RIPOR2: variants seen among roughly 807,000 people sequenced by gnomAD.
RIPOR2 encodes the protein rho family-interacting cell polarization regulator 2.
In RIPOR2, 39 loss-of-function variants were observed where a neutral mutation model predicts 114.5. That is an observed-to-expected ratio of 0.34 (90% CI 0.26 to 0.44). The LOEUF (loss-of-function observed/expected upper bound fraction) is 0.44, where lower values mean the gene tolerates loss of function less well. RIPOR2 is among the 20% of genes least tolerant of loss of function. The pLI, the probability that RIPOR2 is intolerant of heterozygous loss-of-function variation, is 1.00. For missense variants in RIPOR2, 1,007 were observed against 1,255.1 expected, an observed-to-expected ratio of 0.80 and a Z score of 2.99; for synonymous variants, 445 against 484.4, an observed-to-expected ratio of 0.92 and a Z score of 1.07.
chr6:24,902,472 C>T lies in RIPOR2; in HGVS notation c.62-26655G>A, dbSNP rs1156462998. Among the ~76,000 whole-genome samples, 9 of 152,314 alleles carry T rather than the reference C, an allele frequency of 5.9e-5. No individual in the cohort carries two copies. The East Asian group carries it at 1.7e-3, about 29-fold the overall frequency. ...CCTCAGGCGATCCACTCGCCTCAGC[C>T]TCCCAAAGTGTAGGGATTACACGCG... On this transcript the variant is annotated intron_variant, in intron 1 of 21. Transcript: ENST00000643898.
chr6:24,846,682 T>G (rs1299066502), intron 12 of RIPOR2, among the ~76,000 whole-genome samples: 1 of 152,110 alleles, frequency 6.6e-6, no homozygotes, highest in Non-Finnish European at 1.5e-5. Flanking sequence ...AATCCTTTCC[T>G]CTGTTGACAC....
intron 1 of RIPOR2, among the ~76,000 whole-genome samples, chr6:24,881,204 A>C (rs1562307432): frequency 6.6e-6 from 1 of 152,326 alleles, no homozygotes; most frequent in East Asian, 1.9e-4. Context: ...AGATCACGCC[A>C]TTGTACTCCA....
chr6:24,895,280 A>T (rs1035278901), intron 1 of RIPOR2, among the ~76,000 whole-genome samples: 5 of 151,990 alleles, frequency 3.3e-5, no homozygotes, highest in Non-Finnish European at 7.4e-5. Flanking sequence ...CGAACTCCTG[A>T]CCTCATGATC....
chr6:24,871,415 G>T (rs896400892), intron 4 of RIPOR2, among the ~76,000 whole-genome samples: 8 of 152,224 alleles, frequency 5.3e-5, no homozygotes, highest in African/African-American at 1.9e-4. Flanking sequence ...GCAGTGGCAC[G>T]ATCTCGGCTC....
chr6:24,831,523 C>G (rs1168008506), intron 16 of RIPOR2, among the ~76,000 whole-genome samples: 1 of 152,140 alleles, frequency 6.6e-6, no homozygotes, highest in Non-Finnish European at 1.5e-5. Flanking sequence ...GGAGAGGACA[C>G]AAGTCACTCA....
rs748235813 is a variant in RIPOR2, at chr6:24,830,504, C to T, written c.2506+5G>A. The T allele has an allele frequency of 1.4e-5, 21 of 1,549,406 alleles. No homozygotes were observed. The highest frequency in any genetic ancestry group is 3.9e-5 in the Admixed American group (2 of 50,924). ...AGAAATTCTCTCTCTACTGCTGCCT[C>T]ATACCTGGGTCTGCAAGTCCTGGAT... On this transcript the variant is annotated splice_donor_5th_base_variant and intron_variant, in intron 17 of 21. Coordinates refer to ENST00000643898, the MANE Select transcript of RIPOR2 (RefSeq NM_001286445.3).
chr6:24,955,905 A>G (rs535770372), intron 1 of RIPOR2, among the ~76,000 whole-genome samples: 42 of 151,078 alleles, frequency 2.8e-4, no homozygotes, highest in African/African-American at 8.5e-4. Flanking sequence ...GCTACTTGGG[A>G]GGCTGAGGCA....
intron 1 of RIPOR2, among the ~76,000 whole-genome samples, chr6:24,935,337 AAAAAGAG>A (rs1771712139): frequency 3.4e-5 from 5 of 147,952 alleles, no homozygotes; most frequent in Admixed American, 2.7e-4. Flanking sequence ...AAAAAAAAAA[AAAAAGAG>A]AAGGACCGAG....
At chr6:25,041,471 C>G (rs1777459999) in intron 1 of RIPOR2, among the ~76,000 whole-genome samples, 1 of 152,218 alleles carries the variant, frequency 6.6e-6, no homozygotes, top group Non-Finnish European at 1.5e-5. Flanking sequence ...CTGTTTGATT[C>G]AGATGTTCCA....
intron 1 of RIPOR2, among the ~76,000 whole-genome samples, chr6:24,958,958 C>CTTTTTTTT (rs1554124803): frequency 4.1e-5 from 5 of 123,188 alleles, no homozygotes; most frequent in African/African-American, 1.1e-4. Context: ...TCTACATTTT[C>CTTTTTTTT]TTTTTTTTTT....
chr6:24,875,907 G>T, intron 1 of RIPOR2, 90 bp from the exon 2 acceptor site: 1 of 1,262,584 alleles, frequency 7.9e-7, no homozygotes, highest in Non-Finnish European at 1.1e-6. Flanking sequence ...AGGATGTAAA[G>T]TAAGCCATGA....
intron 10 of RIPOR2, 67 bp from the exon 11 acceptor site, chr6:24,850,017 C>A (rs1328681403): frequency 1.5e-6 from 2 of 1,364,944 alleles, no homozygotes; most frequent in African/African-American, 1.5e-5. Context: ...AATAATGTGT[C>A]ATTTTTTTTA....
At chr6:24,872,854 A>G (rs1285006700) in intron 4 of RIPOR2, 27 bp downstream of exon 4, 15 of 1,474,382 alleles carry the variant, frequency 1.0e-5, no homozygotes, top group African/African-American at 2.8e-5. Context: ...AACAGTGTTA[A>G]CATCATAATG....
intron 1 of RIPOR2, among the ~76,000 whole-genome samples, chr6:24,887,479 T>C (rs950621880): frequency 2.0e-5 from 3 of 152,192 alleles, no homozygotes; most frequent in Non-Finnish European, 4.4e-5. Context: ...TGTGGAAAAA[T>C]GGTCTTTCCT....
chr6:24,836,357 C>T (rs772018829), intron 14 of RIPOR2, among the ~76,000 whole-genome samples: 8 of 152,168 alleles, frequency 5.3e-5, no homozygotes, highest in Non-Finnish European at 8.8e-5. Context: ...AGAAGAGAGA[C>T]ATGATGTTCT....
intron 8 of RIPOR2, among the ~76,000 whole-genome samples, chr6:24,854,454 G>A (rs901485361): frequency 6.6e-5 from 10 of 152,150 alleles, no homozygotes; most frequent in African/African-American, 2.4e-4. Flanking sequence ...GTGTGGGGAC[G>A]AAGGCATGCT....
At position 24,806,201 on chromosome 6, in the gene RIPOR2, C is replaced by T. The variant is rs939241207; in HGVS notation, c.*172G>A. Reference sequence around the variant, plus strand: ...CTCCTGGGCTTAAGCAATTCTCCTGCGTTGGCCTCCCAAAGTACTGGGATT... The same window carrying T: ...CTCCTGGGCTTAAGCAATTCTCCTGTGTTGGCCTCCCAAAGTACTGGGATT... On this transcript the variant is annotated 3_prime_UTR_variant, in exon 22 of 22. Coordinates refer to ENST00000643898, the MANE Select transcript of RIPOR2 (RefSeq NM_001286445.3). 5 of 606,818 alleles carry T rather than the reference C, an allele frequency of 8.2e-6. No homozygotes were observed. The highest frequency in any genetic ancestry group is 1.9e-5 in the African/African-American group (1 of 52,704). 37.6% of individuals were successfully genotyped at this position (606,818 alleles called of 1,614,324 possible). A position where few individuals can be genotyped will look rare whatever the true frequency, so the allele number is the denominator to read the frequency against.
intron 12 of RIPOR2, among the ~76,000 whole-genome samples, chr6:24,846,882 C>T (rs1301478270): frequency 6.6e-6 from 1 of 152,168 alleles, no homozygotes; most frequent in Non-Finnish European, 1.5e-5. Flanking sequence ...TAAACTAAGA[C>T]TGAGAACCTT....
At chr6:24,921,987 G>A (rs1248497505) in intron 1 of RIPOR2, among the ~76,000 whole-genome samples, 2 of 151,696 alleles carry the variant, frequency 1.3e-5, no homozygotes, top group Non-Finnish European at 2.9e-5. Context: ...GTGCCACCAC[G>A]CCCAGCTAAG....
Sources: gnomAD v4.1 joint callset for allele counts (sites outside exome capture counted in the v4.1 genomes callset) on GRCh38, gnomAD v4.1.1 for gene constraint, MANE v1.5 for transcripts, NCBI Gene and HGNC (gene_info 2026-07-23, HGNC 2026-07-21) for gene names.